The following SLIT3 variants were observed in gnomAD, a reference collection of about 807,000 sequenced individuals.
SLIT3 encodes slit homolog 3 protein.
In SLIT3, 68 loss-of-function variants were observed where a neutral mutation model predicts 184.0. The ratio of observed to expected loss-of-function variants is 0.37; its 90% CI spans 0.30 to 0.45. The LOEUF (loss-of-function observed/expected upper bound fraction) is 0.45, where lower values mean the gene tolerates loss of function less well. Among genes scored for constraint, SLIT3 ranks in the 20% least tolerant of loss-of-function variants. The probability of loss-of-function intolerance (pLI) is 1.00; values close to 1 mark genes in which losing one functional copy is unlikely to be tolerated. For missense variants in SLIT3, 1,707 were observed against 2,026.0 expected (o/e 0.84, Z 3.02); for synonymous variants, 831 against 828.6 (o/e 1.00, Z -0.05).
intron 4 of SLIT3, among the ~76,000 whole-genome samples, chr5:169,184,752 T>C (rs373604759): frequency 1.3e-5 from 2 of 152,342 alleles, no homozygotes; most frequent in South Asian, 2.1e-4. Context: ...GCCTAGGTCC[T>C]TGCTCTGCTG....
chr5:169,111,021 CCTTA>C (rs1183040816), intron 4 of SLIT3, among the ~76,000 whole-genome samples: 1 of 152,194 alleles, frequency 6.6e-6, no homozygotes, highest in Non-Finnish European at 1.5e-5. Context: ...TCTGCAACGG[CCTTA>C]CTGACTTTCA....
At chr5:168,699,574 G>A (rs1482491259) in intron 27 of SLIT3, among the ~76,000 whole-genome samples, 2 of 152,218 alleles carry the variant, frequency 1.3e-5, no homozygotes, top group African/African-American at 4.8e-5. Context: ...CCATTCCTAG[G>A]ACAGGGAGGA....
chr5:168,947,213 A>C (rs1379688302), intron 4 of SLIT3, among the ~76,000 whole-genome samples: 3 of 152,252 alleles, frequency 2.0e-5, no homozygotes, highest in African/African-American at 7.2e-5. Context: ...TAAAAGGCTG[A>C]AAGAGAAATG....
At chr5:169,030,737 A>C (rs1284236528) in intron 4 of SLIT3, among the ~76,000 whole-genome samples, 1 of 152,242 alleles carries the variant, frequency 6.6e-6, no homozygotes, top group Non-Finnish European at 1.5e-5. Context: ...GTCTTATTTT[A>C]TCCACAAAAC....
intron 4 of SLIT3, among the ~76,000 whole-genome samples, chr5:169,110,016 C>T (rs1410853490): frequency 2.0e-5 from 3 of 152,162 alleles, no homozygotes; most frequent in African/African-American, 4.8e-5. Flanking sequence ...AGAATCACTA[C>T]ACCCCTGGAG....
chr5:169,239,469 G>A (rs1765318758), intron 3 of SLIT3, among the ~76,000 whole-genome samples: 1 of 151,960 alleles, frequency 6.6e-6, no homozygotes. Flanking sequence ...TTGATGGAAT[G>A]TTTTAAATAT....
At chr5:168,677,357 G>A (rs907402379) in intron 32 of SLIT3, among the ~76,000 whole-genome samples, 3 of 152,036 alleles carry the variant, frequency 2.0e-5, no homozygotes, top group Non-Finnish European at 4.4e-5. Flanking sequence ...GCTCACTGCA[G>A]CCTTGAACTC....
chr5:168,884,905 C>A (rs553322036), intron 4 of SLIT3, among the ~76,000 whole-genome samples: 3 of 151,970 alleles, frequency 2.0e-5, no homozygotes, highest in Non-Finnish European at 2.9e-5. Flanking sequence ...AGTTGACCTA[C>A]GGACAGATTG....
intron 1 of SLIT3, among the ~76,000 whole-genome samples, chr5:169,281,883 A>G (rs201202958): frequency 1.4e-5 from 2 of 146,016 alleles, no homozygotes; most frequent in Non-Finnish European, 3.0e-5. Flanking sequence ...TTTCCCCCCC[A>G]GGGGACATTT....
chr5:168,950,614 A>C (rs1253726696), intron 4 of SLIT3, among the ~76,000 whole-genome samples: 1 of 152,222 alleles, frequency 6.6e-6, no homozygotes, highest in African/African-American at 2.4e-5. Flanking sequence ...TGTGGGCCAG[A>C]CTTGGCCTAG....
At chr5:168,781,628 C>A (rs1486191107) in intron 12 of SLIT3, among the ~76,000 whole-genome samples, 2 of 152,118 alleles carry the variant, frequency 1.3e-5, no homozygotes, top group Non-Finnish European at 2.9e-5. Context: ...GACAATGAAC[C>A]AGAGAAAGTT....
intron 9 of SLIT3, among the ~76,000 whole-genome samples, chr5:168,799,490 T>G (rs1581095152): frequency 6.6e-6 from 1 of 152,260 alleles, no homozygotes; most frequent in Non-Finnish European, 1.5e-5. Flanking sequence ...TTCAGCCATT[T>G]GTGCTCTGTA....
intron 6 of SLIT3, among the ~76,000 whole-genome samples, chr5:168,826,237 C>T (rs1561953856): frequency 6.6e-6 from 1 of 152,184 alleles, no homozygotes; most frequent in Non-Finnish European, 1.5e-5. Context: ...AGCAATTATT[C>T]CAGAACCAAA....
chr5:169,046,687 C>T (rs1757634783), intron 4 of SLIT3, among the ~76,000 whole-genome samples: 1 of 152,194 alleles, frequency 6.6e-6, no homozygotes, highest in Non-Finnish European at 1.5e-5. Context: ...GTCCCCCAGC[C>T]TACCATAAAG....
At chr5:168,868,565 T>C (rs1013218218) in intron 5 of SLIT3, among the ~76,000 whole-genome samples, 2 of 121,866 alleles carry the variant, frequency 1.6e-5, no homozygotes, top group African/African-American at 5.1e-5. Flanking sequence ...CTGGCCAACA[T>C]GGTGAAACCC....
intron 4 of SLIT3, among the ~76,000 whole-genome samples, chr5:169,042,450 C>T (rs555244783): frequency 7.9e-5 from 12 of 152,328 alleles, no homozygotes; most frequent in Middle Eastern, 3.4e-3. Context: ...TTATCAAAGA[C>T]GGATGTGCTA....
chr5:168,928,316 C>T (rs1581218804), intron 4 of SLIT3, among the ~76,000 whole-genome samples: 1 of 152,132 alleles, frequency 6.6e-6, no homozygotes, highest in African/African-American at 2.4e-5. Context: ...TTATATTTTG[C>T]TCTATTATGC....
intron 32 of SLIT3, among the ~76,000 whole-genome samples, chr5:168,677,960 C>T (rs1241037348): frequency 6.6e-6 from 1 of 152,158 alleles, no homozygotes; most frequent in African/African-American, 2.4e-5. Context: ...TGGCTTTGAG[C>T]CACTCAGGGC....
At chr5:168,781,751 CA>C (rs1755978138) in intron 12 of SLIT3, among the ~76,000 whole-genome samples, 2 of 152,232 alleles carry the variant, frequency 1.3e-5, no homozygotes, top group South Asian at 4.2e-4. Context: ...CTCTGCAGAT[CA>C]AAAAACCGGC....
Sources: allele counts gnomAD v4.1 joint callset (sites outside exome capture counted in the v4.1 genomes callset), GRCh38; gene constraint gnomAD v4.1.1; transcripts MANE v1.5; gene names NCBI Gene and HGNC (gene_info 2026-07-23, HGNC 2026-07-21).